Variants in TAB3 observed in about 807,000 individuals in gnomAD.
TAB3 encodes TGF-beta-activated kinase 1 and MAP3K7-binding protein 3.
In TAB3, 18 loss-of-function variants were observed where a neutral mutation model predicts 48.1. That is an observed-to-expected ratio of 0.37 (90% CI 0.26 to 0.55). The LOEUF is 0.55. Ranked by LOEUF, TAB3 falls within the 20% of genes least tolerant of loss-of-function variation. The pLI is 0.78. For missense variants in TAB3, 414 were observed against 549.8 expected, an observed-to-expected ratio of 0.75 and a Z score of 2.47; for synonymous variants, 185 against 190.2, an observed-to-expected ratio of 0.97 and a Z score of 0.22.
intron 9 of TAB3, among the ~76,000 whole-genome samples, chrX:30,839,912 TATTATATA>T (rs1341998802): frequency 1.5e-4 from 3 of 19,730 alleles, no homozygotes; most frequent in Non-Finnish European, 2.5e-4. Context: ...TACATATATA[TATTATATA>T]TATATATATA....
Position 30,868,382 on chromosome X carries a change from AT to A in TAB3, c.-279-834del, listed in dbSNP as rs1939505319. ...ATATATATATATAGCTTATATATAT[AT>A]AGCTTATATATATATATATAGCTTA... On this transcript the variant is annotated intron_variant, in intron 2 of 10. Coordinates refer to ENST00000288422, the MANE Select transcript of TAB3 (RefSeq NM_152787.5). 8.3e-5 allele frequency among the ~76,000 whole-genome samples: 3 copies of A among 36,184 alleles called. 1 individual carries two copies. The highest frequency in any genetic ancestry group is 5.9e-4 in the African/African-American group (3 of 5,090). The allele number at this position is 36,184 out of a possible 115,157, so 31.4% of individuals were successfully genotyped here.
chrX:30,840,114 C>A (rs1449678827), intron 9 of TAB3, among the ~76,000 whole-genome samples: 1 of 108,891 alleles, frequency 9.2e-6, no homozygotes, highest in Non-Finnish European at 1.9e-5. Context: ...TAATAGATAA[C>A]CCATCTTTCA....
At chrX:30,833,251 G>C (rs897407300) in intron 10 of TAB3, among the ~76,000 whole-genome samples, 12 of 108,693 alleles carry the variant, frequency 1.1e-4, no homozygotes, top group African/African-American at 3.0e-4. Flanking sequence ...TTACAGGTGT[G>C]AGCCACCGCA....
At chrX:30,873,130 G>A (rs1466098523) in intron 1 of TAB3, among the ~76,000 whole-genome samples, 1 of 112,044 alleles carries the variant, frequency 8.9e-6, no homozygotes, top group Non-Finnish European at 1.9e-5. Context: ...ATCAAAAAAC[G>A]AATTTTTTTT....
Position 30,852,725 on chromosome X carries a change from C to T in TAB3, c.1710+53G>A, listed in dbSNP as rs891850544. ...TAAAGCCTAAAGAAAAATAAATGAC[C>T]TGACAGCCAATATCCCGACCCTCCT... On this transcript the variant is annotated intron_variant, in intron 7 of 10. Transcript: ENST00000288422. The T allele has an allele frequency of 2.1e-5, 23 of 1,099,859 alleles. No homozygotes were observed. In the African/African-American group the frequency reaches 3.5e-4, roughly 17 times the overall value. The allele number at this position is 1,099,859 out of a possible 1,213,427, so 90.6% of individuals were successfully genotyped here.
intron 2 of TAB3, among the ~76,000 whole-genome samples, chrX:30,868,582 T>G (rs868831753): frequency 0.015 from 193 of 13,055 alleles, 39 homozygotes; most frequent in African/African-American, 0.051. Flanking sequence ...TATATATATA[T>G]ATATAGAGAG....
At chrX:30,881,885 G>C (rs747398340) in intron 1 of TAB3, among the ~76,000 whole-genome samples, 1 of 112,086 alleles carries the variant, frequency 8.9e-6, no homozygotes, top group East Asian at 2.8e-4. Flanking sequence ...CCTACCAAGA[G>C]AGTTTGTTTA....
intron 1 of TAB3, among the ~76,000 whole-genome samples, chrX:30,875,408 T>C (rs1270008909): frequency 2.7e-5 from 3 of 111,533 alleles, no homozygotes; most frequent in African/African-American, 9.8e-5. Context: ...TAAAGCACAA[T>C]GTTCATTGAT....
intron 2 of TAB3, among the ~76,000 whole-genome samples, chrX:30,868,586 T>G (rs187199230): frequency 0.43 from 3,707 of 8,695 alleles, 973 homozygotes; most frequent in Admixed American, 0.6. Flanking sequence ...TATATATATA[T>G]AGAGAGAGAG....
intron 10 of TAB3, among the ~76,000 whole-genome samples, chrX:30,832,488 A>C (rs1938056326): frequency 1.8e-5 from 2 of 112,297 alleles, no homozygotes; most frequent in Non-Finnish European, 3.8e-5. Context: ...TTAAGATCTG[A>C]GGTAAGCAAC....
intron 4 of TAB3, 68 bp from the exon 5 acceptor site, chrX:30,859,746 T>G (rs972720288): frequency 1.7e-4 from 76 of 445,693 alleles, no homozygotes; most frequent in Non-Finnish European, 5.4e-5. Context: ...CTATTGATCC[T>G]ATACATCTCA....
chrX:30,849,858 AAAGTAT>A (rs2147351115), intron 7 of TAB3, among the ~76,000 whole-genome samples: 1 of 112,458 alleles, frequency 8.9e-6, no homozygotes, highest in Non-Finnish European at 1.9e-5. Flanking sequence ...AAAGGAAGTC[AAAGTAT>A]AAAATGCTTC....
At chrX:30,864,803 G>T (rs5972251) in intron 4 of TAB3, among the ~76,000 whole-genome samples, 9,696 of 91,663 alleles carry the variant, frequency 0.11, 1,088 homozygotes, top group African/African-American at 0.31. Flanking sequence ...GTGTGTGTGT[G>T]TTTTTTTTTT....
intron 7 of TAB3, among the ~76,000 whole-genome samples, chrX:30,851,783 A>C (rs1938859885): frequency 1.8e-5 from 2 of 111,984 alleles, no homozygotes; most frequent in Admixed American, 9.5e-5. Flanking sequence ...GAAAGGCTTC[A>C]TGGAAAAAGT....
intron 7 of TAB3, 147 bp from the exon 8 acceptor site, chrX:30,846,791 A>G (rs1938638058): frequency 2.6e-6 from 1 of 383,716 alleles, no homozygotes; most frequent in Non-Finnish European, 4.5e-6. Context: ...AAGAAGTCCT[A>G]TGTATATGTT....
chrX:30,873,172 G>A (rs931380329), intron 1 of TAB3, among the ~76,000 whole-genome samples: 5 of 112,164 alleles, frequency 4.5e-5, no homozygotes, highest in Non-Finnish European at 9.4e-5. Context: ...GATGGACTAA[G>A]TACAGGTGAC....
chrX:30,886,276 A>T (rs927097939), intron 1 of TAB3, among the ~76,000 whole-genome samples: 1 of 111,517 alleles, frequency 9.0e-6, no homozygotes, highest in Admixed American at 9.5e-5. Context: ...TGGCAATATA[A>T]ATCATTTCAG....
chrX:30,857,941 C>G (rs750632272), intron 5 of TAB3, among the ~76,000 whole-genome samples: 18 of 111,413 alleles, frequency 1.6e-4, no homozygotes, highest in Non-Finnish European at 3.2e-4. Context: ...AAAAAGTGAT[C>G]CTAAATTGAG....
rs1555933094 is a variant in TAB3, at chrX:30,830,922, C to CCCG, written c.*504_*505insCGG. 1.2e-5 allele frequency: 1 copy of CCCG among 85,387 alleles called. No homozygotes were observed. Among genetic ancestry groups the CCCG allele is most frequent in the African/African-American group, 4.0e-5 (1 of 24,712 alleles). The allele number at this position is 85,387 out of a possible 1,213,427, so 7.0% of individuals were successfully genotyped here. On this transcript the variant is annotated 3_prime_UTR_variant, in exon 11 of 11. Coordinates refer to ENST00000288422, the MANE Select transcript of TAB3 (RefSeq NM_152787.5). ...ACCCTTAATTAATTTGCCCCCCCCC[C>CCCG]CCAAATATTCTAGGTGCTTTTTCCT...
Sources: allele counts gnomAD v4.1 joint callset (sites outside exome capture counted in the v4.1 genomes callset), GRCh38; gene constraint gnomAD v4.1.1; transcripts MANE v1.5; gene names NCBI Gene and HGNC (gene_info 2026-07-23, HGNC 2026-07-21).